The following LARP1B variants were observed in gnomAD, a reference collection of about 807,000 sequenced individuals.
LARP1B encodes la-related protein 1B.
Under a neutral mutation model 114.2 loss-of-function variants are expected in LARP1B, and 76 were observed. The ratio of observed to expected loss-of-function variants is 0.67; its 90% confidence interval spans 0.55 to 0.81. The LOEUF (loss-of-function observed/expected upper bound fraction) is 0.81. Ranked by LOEUF, LARP1B falls within the 30% of genes least tolerant of loss-of-function variation. The pLI is 0.00. For missense variants in LARP1B, 1,014 were observed against 1,075.8 expected (o/e 0.94, Z 0.80); for synonymous variants, 345 against 348.0 (o/e 0.99, Z 0.10).
At chr4:128,135,211 A>T (rs1324924398) in intron 11 of LARP1B, among the ~76,000 whole-genome samples, 1 of 152,170 alleles carries the variant, frequency 6.6e-6, no homozygotes, top group Non-Finnish European at 1.5e-5. Flanking sequence ...AAATAAAAAA[A>T]TCAGAGGATT....
At chr4:128,102,724 A>G (rs556423197) in intron 8 of LARP1B, among the ~76,000 whole-genome samples, 1 of 151,914 alleles carries the variant, frequency 6.6e-6, no homozygotes, top group African/African-American at 2.4e-5. Context: ...TCTTGGTTCT[A>G]TAGCTTACCA....
chr4:128,179,433 A>G lies in LARP1B; in HGVS notation c.1924A>G (p.Ser642Gly). 6.2e-7 allele frequency: 1 copy of G among 1,610,184 alleles called. No individual in the cohort carries two copies. Reference protein sequence around the residue: ...KSPRKRKTRHSTNPPLECHVG... With the variant: ...KSPRKRKTRHGTNPPLECHVG... ...TCCAAGAAAGAGAAAAACAAGGCAT[A>G]GCACAAATCCCCCTCTAGAGTGTCA... Residue 642 changes from serine (S) to glycine (G), a missense_variant, in exon 15 of 20, where the codon AGC becomes GGC. Physicochemically the swap from Ser to Gly is moderately conservative, Grantham distance 56. Coordinates refer to ENST00000326639, the MANE Select transcript of LARP1B (RefSeq NM_018078.4).
chr4:128,070,388 C>T (rs960675567), intron 1 of LARP1B, among the ~76,000 whole-genome samples: 12 of 152,058 alleles, frequency 7.9e-5, no homozygotes, highest in African/African-American at 2.7e-4. Flanking sequence ...TGCCCGGGCA[C>T]GGTGGCTCAT....
chr4:128,104,856 A>G (rs1781520390), intron 8 of LARP1B, among the ~76,000 whole-genome samples: 1 of 152,210 alleles, frequency 6.6e-6, no homozygotes, highest in African/African-American at 2.4e-5. Flanking sequence ...GAACATAAGC[A>G]TTTATTTTCC....
intron 7 of LARP1B, among the ~76,000 whole-genome samples, chr4:128,220,862 T>C (rs1407867343): frequency 6.6e-6 from 1 of 152,244 alleles, no homozygotes; most frequent in Non-Finnish European, 1.5e-5. Context: ...GTTGTTAATC[T>C]TGTAACTAGA....
intron 7 of LARP1B, among the ~76,000 whole-genome samples, chr4:128,092,243 T>TTTC (rs1401643784): frequency 1.3e-5 from 2 of 152,152 alleles, no homozygotes; most frequent in Admixed American, 1.3e-4. Context: ...ATCTTTTGAT[T>TTTC]TTCTTCTTAG....
At chr4:128,189,892 C>T (rs2150776468) in intron 15 of LARP1B, among the ~76,000 whole-genome samples, 1 of 152,300 alleles carries the variant, frequency 6.6e-6, no homozygotes, top group Middle Eastern at 3.4e-3. Flanking sequence ...TTCCCTATCT[C>T]TTAACAGGTT....
Position 128,121,896 on chromosome 4 carries a change from T to C in LARP1B, c.1232T>C (p.Leu411Pro), listed in dbSNP as rs1788094024. 2 of 1,612,652 alleles carry C rather than the reference T, an allele frequency of 1.2e-6. No individual in the cohort carries two copies. The highest frequency in any genetic ancestry group is 3.3e-5 in the Admixed American group (2 of 59,974). ...TCAGAAGAACCAGAACAAGAAGAAC[T>C]TGATTTTTTGTTTGATGAAGAGATT... ...CSSEEPEQEE[L>P]DFLFDEEIEQ... is the part of the protein sequence containing the mutation. The change falls in exon 11 of 20, where the codon CTT becomes CCT. Residue 411 changes from leucine to proline, a missense_variant. By Grantham distance (98) the Leu-to-Pro change is moderately conservative (BLOSUM62 -3). Coordinates refer to ENST00000326639, the MANE Select transcript of LARP1B (RefSeq NM_018078.4).
chr4:128,211,390 A>C lies in LARP1B; in HGVS notation c.*1337A>C. On this transcript the variant is annotated 3_prime_UTR_variant, in exon 20 of 20. Transcript: ENST00000326639. ...TTGTTCTTATAAATTATAATATTGA[A>C]ATACATATAATCTTTGGATGGATGG... 1.1e-6 allele frequency: 1 copy of C among 914,030 alleles called. No individual in the cohort carries two copies. Among genetic ancestry groups the C allele is most frequent in the Non-Finnish European group, 1.3e-6 (1 of 764,974 alleles). The allele number at this position is 914,030 out of a possible 1,614,324, so 56.6% of individuals were successfully genotyped here. A position where few individuals can be genotyped will look rare whatever the true frequency, so the allele number is the denominator to read the frequency against.
At chr4:128,097,572 G>A (rs1778537852) in intron 7 of LARP1B, among the ~76,000 whole-genome samples, 1 of 152,130 alleles carries the variant, frequency 6.6e-6, no homozygotes, top group African/African-American at 2.4e-5. Context: ...CTCCCCAAGT[G>A]CTGGGATTAC....
At chr4:128,073,585 T>G (rs1199608627) in intron 1 of LARP1B, among the ~76,000 whole-genome samples, 60 of 26,984 alleles carry the variant, frequency 2.2e-3, no homozygotes, top group South Asian at 0.014. Context: ...TTTTTTTTTT[T>G]TTTTTTTTTT....
downstream of LARP1B, among the ~76,000 whole-genome samples, chr4:128,214,281 C>T (rs1351089415): frequency 6.7e-6 from 1 of 148,304 alleles, no homozygotes; most frequent in Non-Finnish European, 1.5e-5. Flanking sequence ...CCGGGAAGCT[C>T]GAACTGGGTG....
intron 8 of LARP1B, among the ~76,000 whole-genome samples, chr4:128,099,449 G>A (rs916407513): frequency 6.6e-6 from 1 of 151,884 alleles, no homozygotes; most frequent in Admixed American, 6.6e-5. Context: ...ACCATACCCA[G>A]CTAATTTTTG....
intron 12 of LARP1B, among the ~76,000 whole-genome samples, chr4:128,171,081 T>A (rs1743460200): frequency 6.6e-6 from 1 of 151,394 alleles, no homozygotes; most frequent in Non-Finnish European, 1.5e-5. Context: ...TCAATAAGAA[T>A]GTAGAAACCT....
rs747666726 is a variant in LARP1B, at chr4:128,176,860, C to G, written c.1649-12C>G. ...CACAGCACAAAAAGGGACTAATTAA[C>G]TCTCTTGGCAGGAGGTGTTCAAGGA... On this transcript the variant is annotated splice_polypyrimidine_tract_variant and intron_variant, in intron 12 of 19. Transcript: ENST00000326639. 1.2e-6 allele frequency: 2 copies of G among 1,612,956 alleles called. No individual in the cohort carries two copies. Among genetic ancestry groups the G allele is most frequent in the Non-Finnish European group, 1.7e-6 (2 of 1,179,122 alleles).
Position 128,203,565 on chromosome 4 carries a change from G to A in LARP1B, c.2310-2863G>A, listed in dbSNP as rs915859944. Reference sequence around the variant, plus strand: ...ATTTTTGTATTTTTAGTAGAAATGGGGTTTTACCATATTGGCCAGGCTGGT... The same window carrying A: ...ATTTTTGTATTTTTAGTAGAAATGGAGTTTTACCATATTGGCCAGGCTGGT... On this transcript the variant is annotated intron_variant, in intron 17 of 19. Coordinates refer to ENST00000326639, the MANE Select transcript of LARP1B (RefSeq NM_018078.4). Among the ~76,000 whole-genome samples, 8 of 152,080 alleles carry A rather than the reference G, an allele frequency of 5.3e-5. No individual in the cohort carries two copies. In the South Asian group the frequency reaches 6.2e-4, roughly 12 times the overall value.
chr4:128,125,657 A>C (rs1355776687), intron 11 of LARP1B, among the ~76,000 whole-genome samples: 2 of 152,232 alleles, frequency 1.3e-5, no homozygotes, highest in East Asian at 3.8e-4. Context: ...AAGGCAGGAG[A>C]ATCACTTGAA....
chr4:128,122,442 T>TTTTTG (rs1206410232), intron 11 of LARP1B: 1 of 1,451,712 alleles, frequency 6.9e-7, no homozygotes, highest in Admixed American at 2.6e-5. Context: ...ACCCTTGTTT[T>TTTTTG]TTTTTTTTTT....
intron 9 of LARP1B, among the ~76,000 whole-genome samples, chr4:128,109,998 G>A (rs978315459): frequency 6.6e-6 from 1 of 152,098 alleles, no homozygotes; most frequent in African/African-American, 2.4e-5. Flanking sequence ...CCGCCTCCTG[G>A]ATTCAAGCAA....
Sources: gnomAD v4.1 joint callset for allele counts (sites outside exome capture counted in the v4.1 genomes callset) on GRCh38, gnomAD v4.1.1 for gene constraint, MANE v1.5 for transcripts, NCBI Gene and HGNC (gene_info 2026-07-23, HGNC 2026-07-21) for gene names.